TCERG1L: variants seen among roughly 807,000 people sequenced by gnomAD.
TCERG1L encodes the protein transcription elongation regulator 1 like, also known as transcription elongation regulator 1-like protein.
TCERG1L carries 37 observed loss-of-function variants against 56.3 expected under a neutral mutation model. That is an observed-to-expected ratio of 0.66 (90% CI 0.51 to 0.87). TCERG1L has a LOEUF of 0.87. TCERG1L is among the 40% of genes least tolerant of loss of function. The pLI is 0.00. For missense variants in TCERG1L, 799 were observed against 774.2 expected (o/e 1.03, Z -0.38); for synonymous variants, 324 against 326.3 (o/e 0.99, Z 0.08).
At chr10:131,227,853 A>T (rs1845809718) in intron 4 of TCERG1L, among the ~76,000 whole-genome samples, 1 of 136,702 alleles carries the variant, frequency 7.3e-6, no homozygotes, top group Non-Finnish European at 1.6e-5. Context: ...GTGGTCTCTA[A>T]TATTTAAATT....
At chr10:131,114,834 TC>T (rs1845439303) in intron 9 of TCERG1L, among the ~76,000 whole-genome samples, 1 of 152,200 alleles carries the variant, frequency 6.6e-6, no homozygotes, top group Non-Finnish European at 1.5e-5. Context: ...TATTCCTCTT[TC>T]CCAAATGTTC....
chr10:131,294,009 G>A (rs949005979), intron 3 of TCERG1L, among the ~76,000 whole-genome samples: 4 of 152,140 alleles, frequency 2.6e-5, no homozygotes, highest in Non-Finnish European at 4.4e-5. Context: ...GTAATTTCCT[G>A]AGTGTACTTC....
At chr10:131,140,021 T>C (rs1845718068) in intron 7 of TCERG1L, among the ~76,000 whole-genome samples, 1 of 152,170 alleles carries the variant, frequency 6.6e-6, no homozygotes, top group Non-Finnish European at 1.5e-5. Flanking sequence ...GTCAGTCTTC[T>C]TAGAGAGGGT....
At position 131,112,298 on chromosome 10, in the gene TCERG1L, G is replaced by C. The variant is rs1459778961; in HGVS notation, c.1395+4501C>G. ...CAGCTCTGACTCCCACACTGTCCTG[G>C]AGATGCCTGTCTGGATCTGCAGCCC... On this transcript the variant is annotated intron_variant, in intron 9 of 11. Transcript: ENST00000368642. Among the ~76,000 whole-genome samples the C allele has an allele frequency of 2.1e-5, 3 of 142,470 alleles. 1 individual carries two copies. The highest frequency in any genetic ancestry group is 4.7e-5 in the Non-Finnish European group (3 of 63,204). 93.5% of individuals were successfully genotyped at this position (142,470 alleles called of 152,430 possible).
intron 4 of TCERG1L, among the ~76,000 whole-genome samples, chr10:131,221,874 C>A (rs149967538): frequency 6.6e-6 from 1 of 152,200 alleles, no homozygotes; most frequent in Non-Finnish European, 1.5e-5. Flanking sequence ...CCGCACAGGG[C>A]AAATGAGAAT....
chr10:131,228,942 C>T (rs370589518), intron 4 of TCERG1L, among the ~76,000 whole-genome samples: 98 of 81,816 alleles, frequency 1.2e-3, no homozygotes, highest in South Asian at 2.0e-3. Flanking sequence ...TCCGGAGTCT[C>T]CCCTCCAGAC....
chr10:131,266,870 G>T (rs889450314), intron 3 of TCERG1L, among the ~76,000 whole-genome samples: 1 of 152,278 alleles, frequency 6.6e-6, no homozygotes, highest in East Asian at 1.9e-4. Flanking sequence ...GCACCTCTCT[G>T]TCCTCTGCTC....
rs150661276 is a variant in TCERG1L, at chr10:131,236,608, C to T, written c.856+23651G>A. Reference sequence around the variant, plus strand: ...TTTGTAGTTAAAAATGACATCTATTCGATGACAGCCATCCCCACTGGGTTG... The same window carrying T: ...TTTGTAGTTAAAAATGACATCTATTTGATGACAGCCATCCCCACTGGGTTG... On this transcript the variant is annotated intron_variant, in intron 4 of 11. Coordinates refer to ENST00000368642, the MANE Select transcript of TCERG1L (RefSeq NM_174937.4). Among the ~76,000 whole-genome samples the T allele has an allele frequency of 1.1e-3, 168 of 152,298 alleles. 1 individual carries two copies. The highest frequency in any genetic ancestry group is 3.6e-3 in the Admixed American group (55 of 15,302).
At chr10:131,279,774 C>T (rs115542861) in intron 3 of TCERG1L, among the ~76,000 whole-genome samples, 2,700 of 152,256 alleles carry the variant, frequency 0.018, 90 homozygotes, top group African/African-American at 0.062. Flanking sequence ...GAAACGCTTC[C>T]GGGCTTTGGT....
At position 131,100,817 on chromosome 10, in the gene TCERG1L, T is replaced by C. The variant is rs144187088; in HGVS notation, c.1486-2393A>G. Among the ~76,000 whole-genome samples, 522 of 152,352 alleles carry C rather than the reference T, an allele frequency of 3.4e-3. 4 individuals are homozygous for C. The highest frequency in any genetic ancestry group is 0.012 in the African/African-American group (500 of 41,584). The stretch of plus-strand genomic sequence containing the variant: ...AACCCAATTTCTTCCTAAATAGGAC[T>C]GTGGTCTTTGGATGGGGTCCAGCTA... On this transcript the variant is annotated intron_variant, in intron 10 of 11. Coordinates refer to ENST00000368642, the MANE Select transcript of TCERG1L (RefSeq NM_174937.4).
At chr10:131,255,425 T>C (rs1165584491) in intron 4 of TCERG1L, among the ~76,000 whole-genome samples, 1 of 152,220 alleles carries the variant, frequency 6.6e-6, no homozygotes, top group Admixed American at 6.5e-5. Context: ...ATGGTAAACA[T>C]ATATTTTTAA....
chr10:131,216,771 C>T (rs1209025427), intron 4 of TCERG1L, among the ~76,000 whole-genome samples: 2 of 152,206 alleles, frequency 1.3e-5, no homozygotes, highest in Non-Finnish European at 2.9e-5. Flanking sequence ...CTTGTGCTGG[C>T]TGCGGGCCAG....
intron 6 of TCERG1L, chr10:131,160,874 A>G (rs1396254026): frequency 6.6e-6 from 1 of 152,160 alleles, no homozygotes; most frequent in East Asian, 1.9e-4. Context: ...CGCAGTGAGA[A>G]GGTTCTAGGG....
chr10:131,123,899 C>T (rs999267713), intron 8 of TCERG1L, among the ~76,000 whole-genome samples: 2 of 148,362 alleles, frequency 1.3e-5, no homozygotes, highest in South Asian at 4.3e-4. Context: ...AAGACTGCCC[C>T]GTGACGATTT....
At chr10:131,124,596 A>G (rs1845546272) in intron 8 of TCERG1L, among the ~76,000 whole-genome samples, 1 of 152,148 alleles carries the variant, frequency 6.6e-6, no homozygotes, top group South Asian at 2.1e-4. Context: ...GCCATGCAGG[A>G]GCGGAGAGCA....
chr10:131,240,815 C>G (rs1294011190), intron 4 of TCERG1L, among the ~76,000 whole-genome samples: 1 of 152,140 alleles, frequency 6.6e-6, no homozygotes. Flanking sequence ...GAGAGAGAAA[C>G]ACGGGCTTCT....
intron 4 of TCERG1L, among the ~76,000 whole-genome samples, chr10:131,253,834 C>T (rs1846138981): frequency 6.6e-6 from 1 of 152,132 alleles, no homozygotes; most frequent in South Asian, 2.1e-4. Flanking sequence ...TTGTTCCTGG[C>T]ACCAGGGCCT....
At chr10:131,290,306 T>C (rs2133572410) in intron 3 of TCERG1L, among the ~76,000 whole-genome samples, 1 of 152,324 alleles carries the variant, frequency 6.6e-6, no homozygotes, top group African/African-American at 2.4e-5. Context: ...CAAATTTGGA[T>C]CCTATTGTTC....
chr10:131,297,497 T>G (rs1469212963), intron 3 of TCERG1L, among the ~76,000 whole-genome samples: 1 of 152,216 alleles, frequency 6.6e-6, no homozygotes, highest in African/African-American at 2.4e-5. Flanking sequence ...TGAGCCTTCT[T>G]TGCATGTATG....
Sources: allele counts gnomAD v4.1 joint callset (sites outside exome capture counted in the v4.1 genomes callset), GRCh38; gene constraint gnomAD v4.1.1; transcripts MANE v1.5; gene names NCBI Gene and HGNC (gene_info 2026-07-23, HGNC 2026-07-21).